PREX1: variants seen among roughly 807,000 people sequenced by gnomAD.
PREX1 encodes the protein phosphatidylinositol 3,4,5-trisphosphate-dependent Rac exchanger 1 protein.
A neutral mutation model predicts 198.3 loss-of-function variants in PREX1; 41 were observed. The observed-to-expected ratio is 0.21, with a 90% confidence interval of 0.16 to 0.27. PREX1 has a LOEUF of 0.27. PREX1 is among the 10% of genes least tolerant of loss of function. The pLI, the probability that PREX1 is intolerant of heterozygous loss-of-function variation, is 1.00. For synonymous variants in PREX1, 843 were observed against 887.2 expected, an observed-to-expected ratio of 0.95 and a Z score of 0.89; for missense variants, 1,620 against 2,200.7, an observed-to-expected ratio of 0.74 and a Z score of 5.28.
At chr20:48,720,701 C>T (rs2089981353) in intron 5 of PREX1, among the ~76,000 whole-genome samples, 1 of 152,058 alleles carries the variant, frequency 6.6e-6, no homozygotes, top group East Asian at 1.9e-4. Context: ...ACACGTCACT[C>T]CCAGTTGTCC....
In PREX1 at chr20:48,629,514, G is replaced by T; in HGVS notation, c.4701C>A (p.Ile1567=). 1 of 1,614,146 alleles carries T rather than the reference G, an allele frequency of 6.2e-7. No homozygotes were observed. Among genetic ancestry groups the T allele is most frequent in the South Asian group, 1.1e-5 (1 of 91,092 alleles). ...CCAGGCGGTAGCAGAGCTCCGAGGA[G>T]ATGGGGATGAGGCCGGCGCCCACAC... The part of the protein sequence containing the change: ...AGSVGAGLIP[I]SSELCYRLGA... Residue 1567 remains isoleucine, a synonymous_variant, in exon 37 of 40, where the codon ATC becomes ATA. Coordinates refer to ENST00000371941, the MANE Select transcript of PREX1 (RefSeq NM_020820.4).
intron 14 of PREX1, among the ~76,000 whole-genome samples, chr20:48,673,551 G>A (rs2089690057): frequency 6.6e-6 from 1 of 152,278 alleles, no homozygotes; most frequent in Non-Finnish European, 1.5e-5. Flanking sequence ...GTAAGAAGTG[G>A]GCAGCTCTGA....
chr20:48,759,333 T>C (rs1004319021), intron 1 of PREX1, among the ~76,000 whole-genome samples: 2 of 151,962 alleles, frequency 1.3e-5, no homozygotes, highest in Admixed American at 1.3e-4. Flanking sequence ...GTGGATCACC[T>C]GAGGTCAGGA....
intron 1 of PREX1, among the ~76,000 whole-genome samples, chr20:48,766,247 G>GA (rs920048827): frequency 6.6e-6 from 1 of 152,100 alleles, no homozygotes; most frequent in Non-Finnish European, 1.5e-5. Flanking sequence ...TAGGTCCGTG[G>GA]AAAAAAATGT....
At chr20:48,802,294 C>T (rs1379791248) in intron 1 of PREX1, among the ~76,000 whole-genome samples, 6 of 152,164 alleles carry the variant, frequency 3.9e-5, no homozygotes, top group African/African-American at 1.2e-4. Context: ...CCATGGCCTC[C>T]AAGACCCTGC....
chr20:48,696,951 A>G (rs563414030), intron 7 of PREX1, among the ~76,000 whole-genome samples: 1 of 148,158 alleles, frequency 6.7e-6, no homozygotes, highest in South Asian at 2.1e-4. Context: ...CATAATCACG[A>G]GTCAACTGCT....
In PREX1 at chr20:48,635,661, TG is replaced by T. The variant is rs148038925; in HGVS notation, c.4167+801del. On this transcript the variant is annotated intron_variant, in intron 32 of 39. Coordinates refer to ENST00000371941, the MANE Select transcript of PREX1 (RefSeq NM_020820.4). ...CACAGGCTGTCTCTGACAGAGAAGC[TG>T]CAGTGCCCGCCAAGCTTCCTGTAGA... Among the ~76,000 whole-genome samples the T allele has an allele frequency of 3.6e-3, 545 of 152,338 alleles. 7 individuals carry two copies. The highest frequency in any genetic ancestry group is 0.019 in the East Asian group (101 of 5,186).
chr20:48,824,211 T>C (rs771303434), intron 1 of PREX1, among the ~76,000 whole-genome samples: 2 of 152,160 alleles, frequency 1.3e-5, no homozygotes, highest in Non-Finnish European at 2.9e-5. Flanking sequence ...TTCATGATTA[T>C]TTAATAAACA....
rs562382987 is a variant in PREX1, at chr20:48,729,685, G to T, written c.520-3294C>A. ...GATCAGGCAAATTGTGTCAGCTCAG[G>T]CCCTCATGCTCTATGTGAATCCAAC... On this transcript the variant is annotated intron_variant, in intron 4 of 39. Transcript: ENST00000371941. Among the ~76,000 whole-genome samples the T allele has an allele frequency of 6.6e-5, 10 of 152,202 alleles. No individual in the cohort carries two copies. In the East Asian group the frequency reaches 1.9e-3, roughly 29 times the overall value.
intron 13 of PREX1, among the ~76,000 whole-genome samples, chr20:48,678,968 G>A (rs1414880478): frequency 2.6e-5 from 4 of 152,214 alleles, no homozygotes; most frequent in Admixed American, 6.5e-5. Flanking sequence ...GAACGAATAT[G>A]AAGGTATGCA....
At chr20:48,881,500 T>C in the PREX1 span, among the ~76,000 whole-genome samples, 4 of 152,036 alleles carry the variant, frequency 2.6e-5, no homozygotes, top group South Asian at 8.3e-4. Context: ...TTTTTTTTTT[T>C]TTTTGAGACA....
the PREX1 span, among the ~76,000 whole-genome samples, chr20:48,875,643 T>C: frequency 0.034 from 5,148 of 152,186 alleles, 314 homozygotes; most frequent in African/African-American, 0.12. Flanking sequence ...AAAAGCGTGT[T>C]TCAAATAGCA....
the PREX1 span, among the ~76,000 whole-genome samples, chr20:48,838,985 C>T: frequency 9.2e-6 from 1 of 108,474 alleles, no homozygotes; most frequent in Non-Finnish European, 1.7e-5. Context: ...AAGATCGTGA[C>T]TCTGTCTCAA....
At chr20:48,641,947 G>A (rs1250194795) in intron 29 of PREX1, among the ~76,000 whole-genome samples, 3 of 151,418 alleles carry the variant, frequency 2.0e-5, no homozygotes, top group Non-Finnish European at 4.4e-5. Context: ...GGGAGGGGAA[G>A]GGGAAAGGTC....
chr20:48,731,910 T>C (rs2090036391), intron 4 of PREX1, among the ~76,000 whole-genome samples: 1 of 152,180 alleles, frequency 6.6e-6, no homozygotes, highest in Non-Finnish European at 1.5e-5. Flanking sequence ...TGCACACACC[T>C]TCCTGGCATC....
intron 1 of PREX1, among the ~76,000 whole-genome samples, chr20:48,808,986 C>G (rs1311142848): frequency 6.6e-6 from 1 of 152,248 alleles, no homozygotes; most frequent in African/African-American, 2.4e-5. Context: ...TGCTGTGTGA[C>G]TCTGGGTAGG....
chr20:48,790,390 G>T (rs1034528195), intron 1 of PREX1, among the ~76,000 whole-genome samples: 4 of 152,048 alleles, frequency 2.6e-5, no homozygotes, highest in Non-Finnish European at 4.4e-5. Flanking sequence ...CGGAAGAGAG[G>T]AAACAGAGGA....
intron 5 of PREX1, among the ~76,000 whole-genome samples, chr20:48,725,928 C>T (rs761888790): frequency 2.6e-5 from 4 of 152,314 alleles, no homozygotes; most frequent in South Asian, 2.1e-4. Context: ...CAGGTCAAAG[C>T]GCATGACTCA....
chr20:48,651,573 C>A lies in PREX1; in HGVS notation c.2478G>T (p.Leu826=). The A allele has an allele frequency of 6.2e-7, 1 of 1,612,998 alleles. No individual in the cohort carries two copies. The highest frequency in any genetic ancestry group is 8.5e-7 in the Non-Finnish European group (1 of 1,179,542). ...GGCTCAGCCGGGGACCCAGGGACAG[C>A]AGTGGGAAGGCTGGAAGCCAAAAGA... ...EEDQADSAFP[L]LSLGPRLSLC... is the part of the protein sequence containing the mutation. Residue 826 remains leucine (L), a synonymous_variant, in exon 22 of 40, where the codon CTG becomes CTT. Transcript: ENST00000371941.
Sources: gnomAD v4.1 joint callset for allele counts (sites outside exome capture counted in the v4.1 genomes callset) on GRCh38, gnomAD v4.1.1 for gene constraint, MANE v1.5 for transcripts, NCBI Gene and HGNC (gene_info 2026-07-23, HGNC 2026-07-21) for gene names.